Variants in PPP1R12B observed in about 807,000 individuals in gnomAD.
PPP1R12B encodes the protein myosin phosphatase target subunit 2.
Under a neutral mutation model 126.1 loss-of-function variants are expected in PPP1R12B, and 76 were observed. The observed-to-expected ratio is 0.60, with a 90% confidence interval of 0.50 to 0.73. The LOEUF (loss-of-function observed/expected upper bound fraction) is 0.73. Ranked by LOEUF, PPP1R12B falls within the 30% of genes least tolerant of loss-of-function variation. The probability of loss-of-function intolerance (pLI) is 0.00; values close to 1 mark genes in which losing one functional copy is unlikely to be tolerated. For synonymous variants in PPP1R12B, 356 were observed against 434.7 expected (o/e 0.82, Z 2.25); for missense variants, 1,052 against 1,205.1 (o/e 0.87, Z 1.88).
At chr1:202,353,285 A>G (rs1043688015) in intron 1 of PPP1R12B, among the ~76,000 whole-genome samples, 1 of 152,140 alleles carries the variant, frequency 6.6e-6, no homozygotes, top group Non-Finnish European at 1.5e-5. Context: ...CCACCTGCGA[A>G]GTTACTTTTG....
Position 202,581,873 on chromosome 1 carries a change from A to G in PPP1R12B, c.*1313A>G, listed in dbSNP as rs1689565622. On this transcript the variant is annotated 3_prime_UTR_variant, in exon 24 of 24. Coordinates refer to ENST00000608999, the MANE Select transcript of PPP1R12B (RefSeq NM_002481.4). ...AGGTTTAATGGAATGAAGTACTTTCAACCCATTGATGAGAGTCATGGAAGT... is the reference window on the plus strand; with the variant it reads ...AGGTTTAATGGAATGAAGTACTTTCGACCCATTGATGAGAGTCATGGAAGT... 6.6e-6 allele frequency: 1 copy of G among 152,244 alleles called. No homozygotes were observed. The highest frequency in any genetic ancestry group is 2.4e-5 in the African/African-American group (1 of 41,460). The allele number at this position is 152,244 out of a possible 1,614,324, so 9.4% of individuals were successfully genotyped here. A position where few individuals can be genotyped will look rare whatever the true frequency, so the allele number is the denominator to read the frequency against.
intron 1 of PPP1R12B, among the ~76,000 whole-genome samples, chr1:202,393,445 T>C (rs1558170239): frequency 6.6e-6 from 1 of 152,116 alleles, no homozygotes; most frequent in African/African-American, 2.4e-5. Flanking sequence ...CTTTTTTTTT[T>C]CCTTGAACCA....
At chr1:202,550,241 A>T (rs1186094155) in intron 18 of PPP1R12B, among the ~76,000 whole-genome samples, 2 of 152,182 alleles carry the variant, frequency 1.3e-5, no homozygotes, top group Non-Finnish European at 2.9e-5. Flanking sequence ...AAAAGTTTTG[A>T]TTCACAGCCT....
At chr1:202,504,261 C>T (rs559580336) in intron 18 of PPP1R12B, among the ~76,000 whole-genome samples, 18 of 152,088 alleles carry the variant, frequency 1.2e-4, no homozygotes, top group East Asian at 7.7e-4. Flanking sequence ...GGTGTGATGA[C>T]GCCCACCTGT....
At chr1:202,354,488 G>A (rs996807466) in intron 1 of PPP1R12B, among the ~76,000 whole-genome samples, 6 of 152,194 alleles carry the variant, frequency 3.9e-5, no homozygotes, top group Non-Finnish European at 8.8e-5. Flanking sequence ...AGGATAGCTT[G>A]AGTCCAGGAA....
At chr1:202,439,432 T>C (rs1671310356) in intron 10 of PPP1R12B, 2 of 1,313,638 alleles carry the variant, frequency 1.5e-6, no homozygotes, top group South Asian at 2.5e-5. Flanking sequence ...TGGAAAATGC[T>C]GGGCGACCCC....
intron 13 of PPP1R12B, among the ~76,000 whole-genome samples, chr1:202,486,325 A>T (rs1242180146): frequency 6.6e-6 from 1 of 152,190 alleles, no homozygotes; most frequent in African/African-American, 2.4e-5. Flanking sequence ...TCTTGAGACC[A>T]AAACAATTTG....
chr1:202,356,587 A>G lies in PPP1R12B; in HGVS notation c.291+7445A>G, dbSNP rs542840808. Among the ~76,000 whole-genome samples, 6 of 152,314 alleles carry G rather than the reference A, an allele frequency of 3.9e-5. No individual in the cohort carries two copies. In the South Asian group the frequency reaches 6.2e-4, roughly 16 times the overall value. ...AGCCTGGATTATCCAGGTGAGCCCA[A>G]TATAATCACAAGCATCCATATAAGA... On this transcript the variant is annotated intron_variant, in intron 1 of 23. Coordinates refer to ENST00000608999, the MANE Select transcript of PPP1R12B (RefSeq NM_002481.4).
intron 18 of PPP1R12B, among the ~76,000 whole-genome samples, chr1:202,558,028 C>T (rs1389890073): frequency 1.3e-5 from 2 of 152,016 alleles, no homozygotes; most frequent in Non-Finnish European, 1.5e-5. Flanking sequence ...ACCTTTGCTT[C>T]TCTTCCTCCT....
chr1:202,461,165 G>A (rs1422332028), intron 13 of PPP1R12B, among the ~76,000 whole-genome samples: 1 of 150,970 alleles, frequency 6.6e-6, no homozygotes, highest in Non-Finnish European at 1.5e-5. Context: ...AGACCAGCCT[G>A]GGCAATATAG....
At chr1:202,454,323 A>G (rs1673356329) in intron 13 of PPP1R12B, among the ~76,000 whole-genome samples, 19 of 152,260 alleles carry the variant, frequency 1.2e-4, no homozygotes, top group Admixed American at 1.2e-3. Flanking sequence ...AGTACAGGTC[A>G]AAATAAGTGC....
At chr1:202,537,952 G>T (rs996308259) in intron 18 of PPP1R12B, among the ~76,000 whole-genome samples, 2 of 152,158 alleles carry the variant, frequency 1.3e-5, no homozygotes, top group African/African-American at 4.8e-5. Flanking sequence ...CATCATATAA[G>T]ATCTGAATTC....
rs1690022894 is a variant in PPP1R12B at position 202,589,406 on chromosome 1, T to A, written c.*8846T>A. 1 of 152,218 alleles carries A rather than the reference T, an allele frequency of 6.6e-6. No homozygotes were observed. Among genetic ancestry groups the A allele is most frequent in the Non-Finnish European group, 1.5e-5 (1 of 68,068 alleles). 9.4% of individuals were successfully genotyped at this position (152,218 alleles called of 1,614,324 possible). The stretch of plus-strand genomic sequence containing the variant: ...GGGAGGGAAGATTCTTCTCCCCTGA[T>A]GTCACCCAGCTGTTTGTAACCCAAG... On this transcript the variant is annotated 3_prime_UTR_variant, in exon 24 of 24. Coordinates refer to ENST00000608999, the MANE Select transcript of PPP1R12B (RefSeq NM_002481.4).
intron 2 of PPP1R12B, among the ~76,000 whole-genome samples, chr1:202,421,596 C>T (rs1668784774): frequency 6.7e-6 from 1 of 150,350 alleles, no homozygotes; most frequent in Admixed American, 6.6e-5. Context: ...GCCGAGATCG[C>T]ACCATTGCAC....
At chr1:202,375,171 T>A (rs1660971953) in intron 1 of PPP1R12B, among the ~76,000 whole-genome samples, 1 of 151,648 alleles carries the variant, frequency 6.6e-6, no homozygotes, top group Admixed American at 6.6e-5. Context: ...TTCAAACTCC[T>A]GACCTCAAGT....
At chr1:202,500,871 A>G (rs1680154459) in intron 18 of PPP1R12B, among the ~76,000 whole-genome samples, 1 of 152,238 alleles carries the variant, frequency 6.6e-6, no homozygotes, top group East Asian at 1.9e-4. Context: ...AAAATTTTTA[A>G]AAAGAGAGTA....
At chr1:202,362,938 A>G (rs1467598450) in intron 1 of PPP1R12B, among the ~76,000 whole-genome samples, 1 of 152,022 alleles carries the variant, frequency 6.6e-6, no homozygotes, top group African/African-American at 2.4e-5. Context: ...GGCTCAGGTG[A>G]TTCTTGTGCC....
intron 1 of PPP1R12B, among the ~76,000 whole-genome samples, chr1:202,387,615 G>T (rs1194532490): frequency 1.3e-5 from 2 of 151,688 alleles, no homozygotes; most frequent in East Asian, 1.9e-4. Flanking sequence ...TCCTGATTCC[G>T]GTAAGGTAGA....
At chr1:202,506,682 G>A (rs138168822) in intron 18 of PPP1R12B, among the ~76,000 whole-genome samples, 2,791 of 152,186 alleles carry the variant, frequency 0.018, 43 homozygotes, top group Non-Finnish European at 0.029. Context: ...ATTAGTTTGT[G>A]TTAGTGACTT....
Sources: allele counts gnomAD v4.1 joint callset (sites outside exome capture counted in the v4.1 genomes callset), GRCh38; gene constraint gnomAD v4.1.1; transcripts MANE v1.5; gene names NCBI Gene and HGNC (gene_info 2026-07-23, HGNC 2026-07-21).